MCEE: variants seen among roughly 807,000 people sequenced by gnomAD.
The protein encoded by MCEE is methylmalonyl-CoA epimerase, also known as methylmalonyl-CoA epimerase, mitochondrial.
MCEE carries 6 observed loss-of-function variants against 12.9 expected under a neutral mutation model. That is an observed-to-expected ratio of 0.47 (90% CI 0.26 to 0.92). MCEE has a LOEUF of 0.92. Among genes scored for constraint, MCEE ranks in the 40% least tolerant of loss-of-function variants. MCEE has a pLI of 0.16. For missense variants in MCEE, 214 were observed against 212.1 expected (o/e 1.01, Z -0.05); for synonymous variants, 78 against 77.9 (o/e 1.00, Z -0.01).
At chr2:71,116,411 T>TTTTC (rs574009005) in intron 2 of MCEE, among the ~76,000 whole-genome samples, 6 of 150,054 alleles carry the variant, frequency 4.0e-5, no homozygotes, top group South Asian at 2.1e-4. Flanking sequence ...GCTATTTCCT[T>TTTTC]TTTCTTTCTT....
rs1673191937 is a variant in MCEE, at chr2:71,125,188, A to AT, written c.41-646_41-645insA. ...GTGTGTATGTGTGTGTATATATATAAATATATATATATATATATATATATT... is the reference window on the plus strand; with the variant it reads ...GTGTGTATGTGTGTGTATATATATAATATATATATATATATATATATATATT... On this transcript the variant is annotated intron_variant, in intron 1 of 2. Coordinates refer to ENST00000244217, the MANE Select transcript of MCEE (RefSeq NM_032601.4). 7.6e-4 allele frequency among the ~76,000 whole-genome samples: 50 copies of AT among 65,700 alleles called. 1 individual carries two copies. Among genetic ancestry groups the AT allele is most frequent in the Admixed American group, 1.4e-3 (6 of 4,236 alleles). The allele number at this position is 65,700 out of a possible 152,430, so 43.1% of individuals were successfully genotyped here.
intron 2 of MCEE, among the ~76,000 whole-genome samples, chr2:71,114,137 G>A (rs1349626872): frequency 6.6e-6 from 1 of 152,110 alleles, no homozygotes; most frequent in East Asian, 1.9e-4. Context: ...ACTGCCACAT[G>A]CAAGAGGAGC....
rs555012844 is a variant in MCEE at position 71,113,748 on chromosome 2, G to C, written c.379-3626C>G. Among the ~76,000 whole-genome samples, 59 of 152,280 alleles carry C rather than the reference G, an allele frequency of 3.9e-4. No individual in the cohort carries two copies. The South Asian group carries it at 0.012, about 30-fold the overall frequency. ...ACTGATATAACTCTCTATTCCTTAA[G>C]TGTGGGCCTTGCATAATGACTTCCT... is the stretch of plus-strand genomic sequence containing the variant. On this transcript the variant is annotated intron_variant, in intron 2 of 2. Coordinates refer to ENST00000244217, the MANE Select transcript of MCEE (RefSeq NM_032601.4).
chr2:71,122,551 A>C (rs926511459), intron 2 of MCEE, among the ~76,000 whole-genome samples: 6 of 152,216 alleles, frequency 3.9e-5, no homozygotes, highest in Non-Finnish European at 5.9e-5. Context: ...AAGGAGGAGC[A>C]AGTCACATCT....
At chr2:71,123,457 C>T (rs545427142) in intron 2 of MCEE, among the ~76,000 whole-genome samples, 1 of 145,090 alleles carries the variant, frequency 6.9e-6, no homozygotes, top group South Asian at 2.1e-4. Context: ...CGCCACACTG[C>T]ACTTCAGCCT....
chr2:71,127,553 A>G (rs1208300874), intron 1 of MCEE, among the ~76,000 whole-genome samples: 1 of 152,260 alleles, frequency 6.6e-6, no homozygotes, highest in Non-Finnish European at 1.5e-5. Context: ...CACCCATTTG[A>G]AGTGTACAAT....
intron 2 of MCEE, among the ~76,000 whole-genome samples, chr2:71,111,447 G>A (rs570036976): frequency 6.6e-6 from 1 of 152,096 alleles, no homozygotes; most frequent in African/African-American, 2.4e-5. Flanking sequence ...TTTTAGTCTA[G>A]GACTAATTTT....
intron 1 of MCEE, among the ~76,000 whole-genome samples, chr2:71,125,500 C>T (rs1673211649): frequency 1.3e-5 from 2 of 151,268 alleles, no homozygotes; most frequent in African/African-American, 4.9e-5. Context: ...AGCCACTGTG[C>T]CCACCCTAAT....
chr2:71,111,533 C>T (rs900064609), intron 2 of MCEE, among the ~76,000 whole-genome samples: 4 of 152,146 alleles, frequency 2.6e-5, no homozygotes, highest in African/African-American at 9.7e-5. Context: ...TAAGAAAAAA[C>T]TATCCCCACC....
At chr2:71,119,761 T>C (rs1448925462) in intron 2 of MCEE, among the ~76,000 whole-genome samples, 1 of 150,040 alleles carries the variant, frequency 6.7e-6, no homozygotes, top group South Asian at 2.1e-4. Flanking sequence ...ACTAATCAGA[T>C]AGAATTGTGC....
intron 1 of MCEE, among the ~76,000 whole-genome samples, chr2:71,128,984 CAA>C (rs11342174): frequency 4.2e-4 from 45 of 107,532 alleles, no homozygotes; most frequent in East Asian, 1.9e-3. Context: ...GACTCTGTCT[CAA>C]AAAAAAAAAA....
chr2:71,128,113 T>C (rs1673277869), intron 1 of MCEE, among the ~76,000 whole-genome samples: 1 of 152,230 alleles, frequency 6.6e-6, no homozygotes, highest in African/African-American at 2.4e-5. Flanking sequence ...TTTTATTCAT[T>C]ACAGTAAGTA....
In MCEE at chr2:71,124,373, C is replaced by T; in HGVS notation, c.211G>A (p.Ala71Thr). ...AGAGGGACCGCTTCACTTACCTGGG[C>T]CCCCAGAATATTCTTATAAAATGCT... is the stretch of plus-strand genomic sequence containing the variant. ...AAAFYKNILG[A>T]QVSEAVPLPE... is the part of the protein sequence containing the mutation. Residue 71 changes from alanine (A) to threonine (T), a missense_variant, in exon 2 of 3, where the codon GCC becomes ACC. Ala to Thr is a moderately conservative substitution (Grantham distance 58). Coordinates refer to ENST00000244217, the MANE Select transcript of MCEE (RefSeq NM_032601.4). The T allele has an allele frequency of 5.0e-6, 8 of 1,614,076 alleles. No homozygotes were observed. Among genetic ancestry groups the T allele is most frequent in the South Asian group, 1.1e-5 (1 of 91,084 alleles).
chr2:71,128,369 C>A (rs929748619), intron 1 of MCEE, among the ~76,000 whole-genome samples: 1 of 152,060 alleles, frequency 6.6e-6, no homozygotes, highest in African/African-American at 2.4e-5. Flanking sequence ...GTATACACAC[C>A]CCCAAAGAAG....
At chr2:71,116,911 A>G (rs577911735) in intron 2 of MCEE, 1 of 150,610 alleles carries the variant, frequency 6.6e-6, no homozygotes, top group South Asian at 2.1e-4. Flanking sequence ...ATGGCAATAC[A>G]ATCTTGTTTA....
chr2:71,128,100 T>TC (rs1021531183), intron 1 of MCEE, among the ~76,000 whole-genome samples: 1 of 152,014 alleles, frequency 6.6e-6, no homozygotes, highest in Non-Finnish European at 1.5e-5. Context: ...TATGATCAAT[T>TC]TTTTTTATTC....
chr2:71,121,156 C>G (rs540059183), intron 2 of MCEE, among the ~76,000 whole-genome samples: 1 of 152,316 alleles, frequency 6.6e-6, no homozygotes, highest in Admixed American at 6.5e-5. Context: ...AACTGCCTAG[C>G]TAGAGACTAC....
chr2:71,124,640 C>A, intron 1 of MCEE, 97 bp from the exon 2 acceptor site: 1 of 908,984 alleles, frequency 1.1e-6, no homozygotes, highest in East Asian at 2.5e-5. Context: ...TGCAAAAATT[C>A]ATTATTTATA....
chr2:71,129,379 G>T (rs1673313624), intron 1 of MCEE, among the ~76,000 whole-genome samples: 1 of 152,036 alleles, frequency 6.6e-6, no homozygotes, highest in African/African-American at 2.4e-5. Context: ...TCTGGTGCTA[G>T]AAGGATTTAT....
Sources: allele counts gnomAD v4.1 joint callset (sites outside exome capture counted in the v4.1 genomes callset), GRCh38; gene constraint gnomAD v4.1.1; transcripts MANE v1.5; gene names NCBI Gene and HGNC (gene_info 2026-07-23, HGNC 2026-07-21).